Variants in CRTC3 observed in about 807,000 individuals in gnomAD.
The protein encoded by CRTC3 is CREB-regulated transcription coactivator 3.
In CRTC3, 26 loss-of-function variants were observed where a neutral mutation model predicts 74.5. That is an observed-to-expected ratio of 0.35 (90% CI 0.26 to 0.48). CRTC3 has a LOEUF of 0.48. CRTC3 is among the 20% of genes least tolerant of loss of function. CRTC3 has a pLI of 0.99. For missense variants in CRTC3, 760 were observed against 787.3 expected (o/e 0.97, Z 0.41); for synonymous variants, 377 against 325.8 (o/e 1.16, Z -1.69).
Position 90,633,085 on chromosome 15 carries a change from T to A in CRTC3, c.1266+3553T>A, listed in dbSNP as rs778752097. 2.1e-3 allele frequency among the ~76,000 whole-genome samples: 327 copies of A among 152,324 alleles called. 1 individual carries two copies. Among genetic ancestry groups the A allele is most frequent in the Middle Eastern group, 0.014 (4 of 294 alleles). On this transcript the variant is annotated intron_variant, in intron 11 of 14. Transcript: ENST00000268184. The stretch of plus-strand genomic sequence containing the variant: ...TACCCACCCTCCTCATTTATTATAA[T>A]TTTGGTTAGAGCAATACTCAATATT...
chr15:90,640,042 C>G (rs1969384500), intron 13 of CRTC3, among the ~76,000 whole-genome samples: 1 of 151,856 alleles, frequency 6.6e-6, no homozygotes, highest in South Asian at 2.1e-4. Context: ...AAGCAAGACT[C>G]TGTCTCAAAA....
rs981134404 is a variant in CRTC3, at chr15:90,550,587, T to C, written c.231+10450T>C. Among the ~76,000 whole-genome samples the C allele has an allele frequency of 3.9e-5, 6 of 152,090 alleles. No individual in the cohort carries two copies. The South Asian group carries it at 1.2e-3, about 31-fold the overall frequency. ...TATATTTGCTGTTGCTATTGTCCCCTTTAATACTCAAGCAGCCTTTTAGCA... is the reference window on the plus strand; with the variant it reads ...TATATTTGCTGTTGCTATTGTCCCCCTTAATACTCAAGCAGCCTTTTAGCA... On this transcript the variant is annotated intron_variant, in intron 2 of 14. Transcript: ENST00000268184.
At chr15:90,584,237 CTTTTTT>C (rs11355776) in intron 2 of CRTC3, among the ~76,000 whole-genome samples, 1 of 116,698 alleles carries the variant, frequency 8.6e-6, no homozygotes. Context: ...TTCACCAACG[CTTTTTT>C]TTTTTTTTTT....
chr15:90,608,894 A>C (rs1318692799), intron 6 of CRTC3, among the ~76,000 whole-genome samples: 2 of 152,184 alleles, frequency 1.3e-5, no homozygotes, highest in African/African-American at 4.8e-5. Flanking sequence ...TAGAAAGAAC[A>C]ATGGTCTTGA....
rs539082281 is a variant in CRTC3 at position 90,645,329 on chromosome 15, A to G, written c.*3189A>G. The stretch of plus-strand genomic sequence containing the variant: ...ATCTTTTGTAATTAAAAGCATCACA[A>G]TGAGGTTGTCTCTGCATTTGGTGGT... On this transcript the variant is annotated 3_prime_UTR_variant, in exon 15 of 15. Coordinates refer to ENST00000268184, the MANE Select transcript of CRTC3 (RefSeq NM_022769.5). 3 of 201,272 alleles carry G rather than the reference A, an allele frequency of 1.5e-5. No individual in the cohort carries two copies. Among genetic ancestry groups the G allele is most frequent in the Admixed American group, 1.2e-4 (2 of 16,634 alleles). 12.5% of individuals were successfully genotyped at this position (201,272 alleles called of 1,614,324 possible).
intron 2 of CRTC3, among the ~76,000 whole-genome samples, chr15:90,588,039 G>A (rs1392026027): frequency 6.6e-6 from 1 of 151,794 alleles, no homozygotes; most frequent in Non-Finnish European, 1.5e-5. Context: ...CTTGAGGCCA[G>A]GAGATCGAGA....
At chr15:90,548,121 T>G (rs1200612575) in intron 2 of CRTC3, among the ~76,000 whole-genome samples, 1 of 151,586 alleles carries the variant, frequency 6.6e-6, no homozygotes, top group Non-Finnish European at 1.5e-5. Flanking sequence ...ACTCCTGAGC[T>G]CAAGCGATCC....
chr15:90,642,314 C>T lies in CRTC3; in HGVS notation c.*174C>T, dbSNP rs1800687952. 1.6e-6 allele frequency: 1 copy of T among 620,328 alleles called. No individual in the cohort carries two copies. Among genetic ancestry groups the T allele is most frequent in the Non-Finnish European group, 2.8e-6 (1 of 352,612 alleles). 38.4% of individuals were successfully genotyped at this position (620,328 alleles called of 1,614,324 possible). A position where few individuals can be genotyped will look rare whatever the true frequency, so the allele number is the denominator to read the frequency against. On this transcript the variant is annotated 3_prime_UTR_variant, in exon 15 of 15. Coordinates refer to ENST00000268184, the MANE Select transcript of CRTC3 (RefSeq NM_022769.5). ...TCAGACACTGTGGCTTCCTCCAGAT[C>T]ACACAGCTTTGTACTGCCTCTCCCG...
Position 90,642,246 on chromosome 15 carries a change from G to A in CRTC3, c.*106G>A, listed in dbSNP as rs1235244910. ...GGGCTTTCGTTATCTTGACATAGAA[G>A]GAAGCAATGCCACGGCTCCAGGGTT... On this transcript the variant is annotated 3_prime_UTR_variant, in exon 15 of 15. Transcript: ENST00000268184. 34 of 896,930 alleles carry A rather than the reference G, an allele frequency of 3.8e-5. No individual in the cohort carries two copies. The highest frequency in any genetic ancestry group is 5.4e-5 in the Non-Finnish European group (31 of 573,440). 55.6% of individuals were successfully genotyped at this position (896,930 alleles called of 1,614,324 possible).
At chr15:90,562,271 C>T (rs552855535) in intron 2 of CRTC3, among the ~76,000 whole-genome samples, 1 of 152,178 alleles carries the variant, frequency 6.6e-6, no homozygotes, top group African/African-American at 2.4e-5. Context: ...TTACTGAGTA[C>T]CTGAGCTATG....
chr15:90,551,101 C>G (rs1423207463), intron 2 of CRTC3, among the ~76,000 whole-genome samples: 4 of 152,128 alleles, frequency 2.6e-5, no homozygotes, highest in Admixed American at 2.6e-4. Flanking sequence ...CATAATTAGA[C>G]TCCTCCCGAC....
intron 11 of CRTC3, among the ~76,000 whole-genome samples, chr15:90,633,609 A>G (rs1408127298): frequency 6.6e-6 from 1 of 152,114 alleles, no homozygotes; most frequent in Non-Finnish European, 1.5e-5. Flanking sequence ...GAGTCTGCAT[A>G]TTTGGTGGGT....
intron 11 of CRTC3, chr15:90,634,934 A>C: frequency 6.3e-7 from 1 of 1,576,700 alleles, no homozygotes; most frequent in South Asian, 1.1e-5. Context: ...TTGGAGATAA[A>C]GTTCTTCTCC....
intron 2 of CRTC3, among the ~76,000 whole-genome samples, chr15:90,587,400 C>T (rs1477998629): frequency 2.0e-5 from 3 of 152,182 alleles, no homozygotes; most frequent in Non-Finnish European, 4.4e-5. Flanking sequence ...TAGCATTAGC[C>T]ATGTCACTCC....
At chr15:90,555,311 T>G (rs924245991) in intron 2 of CRTC3, among the ~76,000 whole-genome samples, 6 of 152,198 alleles carry the variant, frequency 3.9e-5, no homozygotes, top group African/African-American at 1.2e-4. Flanking sequence ...TTTATTATAT[T>G]AAGCAGCTAC....
chr15:90,593,696 C>T lies in CRTC3; in HGVS notation c.292C>T (p.Pro98Ser). 1 of 1,612,498 alleles carries T rather than the reference C, an allele frequency of 6.2e-7. No homozygotes were observed. Among genetic ancestry groups the T allele is most frequent in the Non-Finnish European group, 8.5e-7 (1 of 1,178,628 alleles). Reference sequence around the variant, plus strand: ...CCGCCATCACGGGCTGGTGGAGAGGCCATCCAGGAACCGCTTCCACCCCCT... The same window carrying T: ...CCGCCATCACGGGCTGGTGGAGAGGTCATCCAGGAACCGCTTCCACCCCCT... Reference protein sequence around the residue: ...GTRHHGLVERPSRNRFHPLHR... With the variant: ...GTRHHGLVERSSRNRFHPLHR... Residue 98 changes from proline (P) to serine (S), a missense_variant, in exon 3 of 15, where the codon CCA becomes TCA. Around this residue, in one of 2 missense-constraint regions of CRTC3, gnomAD observed 108 missense variants for 152.1 expected, o/e 0.71. Coordinates refer to ENST00000268184, the MANE Select transcript of CRTC3 (RefSeq NM_022769.5).
At chr15:90,538,199 T>G (rs978863526) in intron 1 of CRTC3, among the ~76,000 whole-genome samples, 4 of 152,242 alleles carry the variant, frequency 2.6e-5, no homozygotes, top group Non-Finnish European at 5.9e-5. Flanking sequence ...ATCAAAGGCT[T>G]TAAATCAAGA....
At chr15:90,579,504 G>A (rs1024507829) in intron 2 of CRTC3, among the ~76,000 whole-genome samples, 8 of 152,058 alleles carry the variant, frequency 5.3e-5, no homozygotes, top group African/African-American at 1.9e-4. Context: ...AGTAATTATT[G>A]TGTCATAGGC....
Position 90,604,684 on chromosome 15 carries a change from C to T in CRTC3, c.476+237C>T, listed in dbSNP as rs1004284982. On this transcript the variant is annotated intron_variant, in intron 5 of 14. Transcript: ENST00000268184. Reference sequence around the variant, plus strand: ...GTATGACCTTGAGTAGATTTTTAAACTTCTGATTGCCTCAGTTTACTCATT... The same window carrying T: ...GTATGACCTTGAGTAGATTTTTAAATTTCTGATTGCCTCAGTTTACTCATT... 2.0e-5 allele frequency among the ~76,000 whole-genome samples: 3 copies of T among 152,248 alleles called. No individual in the cohort carries two copies. The East Asian group carries it at 5.8e-4, about 29-fold the overall frequency.
Sources: gnomAD v4.1 joint callset for allele counts (sites outside exome capture counted in the v4.1 genomes callset) on GRCh38, gnomAD v4.1.1 for gene constraint, gnomAD v4.1.1 regional missense constraint, MANE v1.5 for transcripts, NCBI Gene and HGNC (gene_info 2026-07-23, HGNC 2026-07-21) for gene names.